The following RPS6KA2 variants were observed in gnomAD, a reference collection of about 807,000 sequenced individuals.
RPS6KA2 encodes ribosomal protein S6 kinase A2.
A neutral mutation model predicts 91.8 loss-of-function variants in RPS6KA2; 42 were observed. The observed-to-expected ratio is 0.46, with a 90% CI of 0.36 to 0.59. The LOEUF (loss-of-function observed/expected upper bound fraction) is 0.59. Ranked by LOEUF, RPS6KA2 falls within the 20% of genes least tolerant of loss-of-function variation. The pLI is 0.00. For missense variants in RPS6KA2, 798 were observed against 978.5 expected (o/e 0.82, Z 2.46); for synonymous variants, 414 against 393.6 (o/e 1.05, Z -0.61).
At chr6:166,753,235 C>A (rs548294865) in intron 2 of RPS6KA2, among the ~76,000 whole-genome samples, 1 of 152,168 alleles carries the variant, frequency 6.6e-6, no homozygotes, top group African/African-American at 2.4e-5. Context: ...GAAGAATCTA[C>A]GCAAGGGAAG....
chr6:166,462,491 T>G (rs58232065), intron 11 of RPS6KA2, among the ~76,000 whole-genome samples: 12,055 of 152,288 alleles, frequency 0.079, 1,601 homozygotes, highest in African/African-American at 0.27. Flanking sequence ...TGACCTCCTC[T>G]GGGCTGAGGC....
chr6:166,652,034 C>T (rs1038451007), intron 2 of RPS6KA2, among the ~76,000 whole-genome samples: 10 of 152,232 alleles, frequency 6.6e-5, no homozygotes, highest in South Asian at 2.1e-4. Flanking sequence ...AGACTTTCAA[C>T]GCCACTGAGT....
At chr6:166,544,837 T>A (rs1469379970) in intron 1 of RPS6KA2, 1 of 152,216 alleles carries the variant, frequency 6.6e-6, no homozygotes, top group South Asian at 2.1e-4. Flanking sequence ...ATCAATTCCT[T>A]AGGAAACCAT....
intron 2 of RPS6KA2, among the ~76,000 whole-genome samples, chr6:166,853,395 G>A (rs1309692256): frequency 2.0e-5 from 3 of 152,220 alleles, no homozygotes; most frequent in Non-Finnish European, 2.9e-5. Flanking sequence ...GAACAAAGAC[G>A]ATAAAACAGC....
At chr6:166,624,979 A>G (rs1481924108) in intron 1 of RPS6KA2, among the ~76,000 whole-genome samples, 1 of 152,054 alleles carries the variant, frequency 6.6e-6, no homozygotes, top group Non-Finnish European at 1.5e-5. Flanking sequence ...GATTACAGGC[A>G]CGCGCCACCA....
intron 1 of RPS6KA2, among the ~76,000 whole-genome samples, chr6:166,562,566 A>G (rs1431154784): frequency 6.6e-6 from 1 of 152,202 alleles, no homozygotes; most frequent in Non-Finnish European, 1.5e-5. Context: ...GCACAATAAA[A>G]TTCATTCCCA....
At chr6:166,783,839 C>G (rs771183584) in intron 2 of RPS6KA2, among the ~76,000 whole-genome samples, 5 of 75,436 alleles carry the variant, frequency 6.6e-5, no homozygotes, top group Admixed American at 1.4e-4. Flanking sequence ...CACGTGCACA[C>G]CTATCTATAC....
chr6:166,608,812 G>T (rs1055254205), intron 1 of RPS6KA2, among the ~76,000 whole-genome samples: 4 of 150,700 alleles, frequency 2.7e-5, no homozygotes, highest in Non-Finnish European at 5.9e-5. Flanking sequence ...TGTTTGTTCT[G>T]TTTTTTTTTA....
chr6:166,759,839 G>A (rs1198493388), intron 2 of RPS6KA2, among the ~76,000 whole-genome samples: 1 of 152,194 alleles, frequency 6.6e-6, no homozygotes, highest in Non-Finnish European at 1.5e-5. Flanking sequence ...TCCTCGCCCA[G>A]CGGTCAACGC....
chr6:166,687,095 C>T (rs990888825), intron 2 of RPS6KA2, among the ~76,000 whole-genome samples: 3 of 152,184 alleles, frequency 2.0e-5, no homozygotes, highest in Non-Finnish European at 2.9e-5. Flanking sequence ...CTGCCTGGGC[C>T]GTGGAGATCC....
intron 1 of RPS6KA2, among the ~76,000 whole-genome samples, chr6:166,602,146 C>T (rs548597256): frequency 5.3e-5 from 8 of 152,302 alleles, no homozygotes; most frequent in African/African-American, 1.4e-4. Flanking sequence ...GTGCGTGTTC[C>T]GGCCACGGTG....
At chr6:166,756,710 G>C (rs1168366009) in intron 2 of RPS6KA2, among the ~76,000 whole-genome samples, 1 of 152,190 alleles carries the variant, frequency 6.6e-6, no homozygotes, top group Non-Finnish European at 1.5e-5. Context: ...GCCAGGCATG[G>C]TGGCGCATGC....
chr6:166,729,113 C>T (rs1790435189), intron 2 of RPS6KA2, among the ~76,000 whole-genome samples: 1 of 152,176 alleles, frequency 6.6e-6, no homozygotes, highest in Admixed American at 6.5e-5. Context: ...AGCCCTCCTG[C>T]CAGGGCTGCT....
intron 2 of RPS6KA2, among the ~76,000 whole-genome samples, chr6:166,824,229 TGAAG>T (rs1779977569): frequency 6.6e-6 from 1 of 152,036 alleles, no homozygotes; most frequent in Non-Finnish European, 1.5e-5. Context: ...AATGAATGAA[TGAAG>T]GGAGGCAGCG....
At chr6:166,450,014 C>CGCCA (rs1305024236) in intron 13 of RPS6KA2, among the ~76,000 whole-genome samples, 25 of 149,722 alleles carry the variant, frequency 1.7e-4, no homozygotes, top group East Asian at 3.9e-4. Context: ...TGGATGTCAC[C>CGCCA]TAAGGGACCA....
chr6:166,857,064 A>C (rs1562473889), intron 2 of RPS6KA2, among the ~76,000 whole-genome samples: 1 of 152,214 alleles, frequency 6.6e-6, no homozygotes, highest in Non-Finnish European at 1.5e-5. Context: ...ATTTTTCTTT[A>C]TTTAACCAGT....
intron 1 of RPS6KA2, among the ~76,000 whole-genome samples, chr6:166,591,031 C>T (rs944132061): frequency 2.0e-5 from 3 of 152,214 alleles, no homozygotes; most frequent in African/African-American, 4.8e-5. Flanking sequence ...CAGGTTGTCT[C>T]GGTCTGACTT....
chr6:166,460,202 C>G lies in RPS6KA2; in HGVS notation c.973-651G>C, dbSNP rs80267581. Among the ~76,000 whole-genome samples the G allele has an allele frequency of 6.2e-3, 947 of 152,356 alleles. 9 individuals are homozygous for G. The highest frequency in any genetic ancestry group is 0.022 in the African/African-American group (906 of 41,586). On this transcript the variant is annotated intron_variant, in intron 11 of 20. Transcript: ENST00000265678. ...CAGAGAACCGGCCCTTCCCATGCCCCCTCTGGGCCCAAACTTATTTCCCCA... is the reference window on the plus strand; with the variant it reads ...CAGAGAACCGGCCCTTCCCATGCCCGCTCTGGGCCCAAACTTATTTCCCCA...
At chr6:166,516,754 C>T (rs905478930) in intron 3 of RPS6KA2, among the ~76,000 whole-genome samples, 4 of 152,196 alleles carry the variant, frequency 2.6e-5, no homozygotes, top group African/African-American at 4.8e-5. Flanking sequence ...GCAGGCCATC[C>T]GTCATTCCAA....
Sources: gnomAD v4.1 joint callset for allele counts (sites outside exome capture counted in the v4.1 genomes callset) on GRCh38, gnomAD v4.1.1 for gene constraint, MANE v1.5 for transcripts, NCBI Gene and HGNC (gene_info 2026-07-23, HGNC 2026-07-21) for gene names.